NR2C1: variants seen among roughly 807,000 people sequenced by gnomAD.
The protein encoded by NR2C1 is TR2 nuclear hormone receptor.
Under a neutral mutation model 74.8 loss-of-function variants are expected in NR2C1, and 33 were observed. That is an observed-to-expected ratio of 0.44 (90% CI 0.33 to 0.59). NR2C1 has a LOEUF of 0.59. NR2C1 is among the 20% of genes least tolerant of loss of function. The pLI is 0.02. For missense variants in NR2C1, 568 were observed against 715.6 expected, an observed-to-expected ratio of 0.79 and a Z score of 2.35; for synonymous variants, 225 against 240.6, an observed-to-expected ratio of 0.94 and a Z score of 0.60.
At chr12:95,046,653 T>C (rs1460013223) in intron 9 of NR2C1, among the ~76,000 whole-genome samples, 1 of 152,034 alleles carries the variant, frequency 6.6e-6, no homozygotes, top group East Asian at 1.9e-4. Context: ...AAACAGTGTA[T>C]GTGAAAATAT....
chr12:95,055,987 C>T (rs1002001248), intron 7 of NR2C1, among the ~76,000 whole-genome samples: 4 of 148,568 alleles, frequency 2.7e-5, no homozygotes, highest in Non-Finnish European at 5.9e-5. Context: ...CAGATCCCAG[C>T]TAGGTAGGGA....
At position 95,022,089 on chromosome 12, in the gene NR2C1, G is replaced by T. The variant is rs1868832313; in HGVS notation, c.*140C>A. 1.7e-6 allele frequency: 1 copy of T among 588,226 alleles called. No homozygotes were observed. Among genetic ancestry groups the T allele is most frequent in the Non-Finnish European group, 2.7e-6 (1 of 368,516 alleles). The allele number at this position is 588,226 out of a possible 1,614,324, so 36.4% of individuals were successfully genotyped here. A position where few individuals can be genotyped will look rare whatever the true frequency, so the allele number is the denominator to read the frequency against. ...CCAGTCACTTCAAAAATTCTTAAGG[G>T]AAGCTAAAATAAAAATACCTTGGAT... On this transcript the variant is annotated 3_prime_UTR_variant, in exon 14 of 14. Coordinates refer to ENST00000333003, the MANE Select transcript of NR2C1 (RefSeq NM_003297.4).
chr12:95,058,275 T>TACAAG (rs1874217221), intron 5 of NR2C1, 35 bp downstream of exon 5: 1 of 1,554,270 alleles, frequency 6.4e-7, no homozygotes, highest in African/African-American at 1.4e-5. Context: ...CTGGAATCTT[T>TACAAG]AAAAAGTATT....
At chr12:95,030,011 CTA>C (rs1329622482) in intron 11 of NR2C1, among the ~76,000 whole-genome samples, 3 of 152,068 alleles carry the variant, frequency 2.0e-5, no homozygotes, top group Admixed American at 6.6e-5. Flanking sequence ...GGGACTATGA[CTA>C]TAGGCATGCG....
chr12:95,031,219 AAAGT>A (rs1870061244), intron 11 of NR2C1, 126 bp downstream of exon 11: 3 of 751,990 alleles, frequency 4.0e-6, no homozygotes, highest in African/African-American at 1.8e-5. Context: ...AAAATTATCT[AAAGT>A]AAGAAGAGCA....
chr12:95,067,562 ATG>A (rs1053476080), intron 1 of NR2C1, among the ~76,000 whole-genome samples, 171 bp from the exon 2 acceptor site: 2 of 151,328 alleles, frequency 1.3e-5, no homozygotes, highest in African/African-American at 4.9e-5. Flanking sequence ...TGCCTTTTCC[ATG>A]TGTCTTTTTT....
At chr12:95,038,248 A>T (rs940647588) in intron 10 of NR2C1, among the ~76,000 whole-genome samples, 5 of 152,214 alleles carry the variant, frequency 3.3e-5, no homozygotes, top group African/African-American at 1.2e-4. Context: ...CATCTGCGTT[A>T]TTTCCATAGG....
intron 11 of NR2C1, 28 bp from the exon 12 acceptor site, chr12:95,028,552 T>C (rs764937919): frequency 2.9e-6 from 4 of 1,383,212 alleles, no homozygotes; most frequent in African/African-American, 1.4e-5. Context: ...CAAATGCTTC[T>C]AGTGTTTGTC....
intron 8 of NR2C1, among the ~76,000 whole-genome samples, chr12:95,051,066 C>T (rs1208541512): frequency 2.0e-5 from 3 of 152,124 alleles, no homozygotes; most frequent in Non-Finnish European, 4.4e-5. Flanking sequence ...TAGAATATAA[C>T]CTTTCATAAT....
chr12:95,051,786 A>T lies in NR2C1; in HGVS notation c.941T>A (p.Met314Lys), dbSNP rs764775334. 1.1e-5 allele frequency: 18 copies of T among 1,607,704 alleles called. No homozygotes were observed. The highest frequency in any genetic ancestry group is 1.1e-5 in the Non-Finnish European group (13 of 1,178,592). ...DDTSLCEFQE[M>K]QTNGDVSRAF... Reference sequence around the variant, plus strand: ...CCTTGAAACATCACCGTTGGTCTGCATTTCTTGAAATTCACACAAAGAGGT... The same window carrying T: ...CCTTGAAACATCACCGTTGGTCTGCTTTTCTTGAAATTCACACAAAGAGGT... Residue 314 changes from methionine to lysine, a missense_variant, in exon 8 of 14, where the codon ATG (methionine) becomes AAG (lysine). By Grantham distance (95) the Met-to-Lys change is moderately conservative. This residue lies in a region of NR2C1 where 239 missense variants were observed against 232.3 expected (regional missense o/e 1.03). Coordinates refer to ENST00000333003, the MANE Select transcript of NR2C1 (RefSeq NM_003297.4).
At chr12:95,047,366 G>C (rs76547059) in intron 9 of NR2C1, among the ~76,000 whole-genome samples, 3,164 of 152,092 alleles carry the variant, frequency 0.021, 103 homozygotes, top group African/African-American at 0.072. Flanking sequence ...TTCCTGTAGA[G>C]TGTAGAAAAA....
chr12:95,028,561 T>A (rs372090424), intron 11 of NR2C1, 37 bp from the exon 12 acceptor site: 12 of 1,355,524 alleles, frequency 8.9e-6, no homozygotes, highest in Non-Finnish European at 1.1e-5. Context: ...CTAGTGTTTG[T>A]CTAAAATGAA....
intron 10 of NR2C1, among the ~76,000 whole-genome samples, chr12:95,035,876 A>G (rs957584741): frequency 7.2e-5 from 11 of 152,248 alleles, no homozygotes; most frequent in African/African-American, 2.7e-4. Context: ...AGATGCATTT[A>G]CATTCATTAT....
At chr12:95,071,908 C>T (rs1450579876) in intron 1 of NR2C1, among the ~76,000 whole-genome samples, 2 of 151,464 alleles carry the variant, frequency 1.3e-5, no homozygotes, top group Non-Finnish European at 2.9e-5. Flanking sequence ...GCCACCACGC[C>T]CGACTAATTT....
Position 95,021,158 on chromosome 12 carries a change from T to C in NR2C1, c.*1071A>G, listed in dbSNP as rs1045559819. On this transcript the variant is annotated 3_prime_UTR_variant, in exon 14 of 14. Transcript: ENST00000333003. The stretch of plus-strand genomic sequence containing the variant: ...GAATGAAAGAGCAACAATTTAAATA[T>C]CTTTTTTGAAATAGTGAAACATTTT... 6.6e-6 allele frequency: 1 copy of C among 152,128 alleles called. No individual in the cohort carries two copies. Among genetic ancestry groups the C allele is most frequent in the Non-Finnish European group, 1.5e-5 (1 of 68,032 alleles). The allele number at this position is 152,128 out of a possible 1,614,324, so 9.4% of individuals were successfully genotyped here.
intron 7 of NR2C1, among the ~76,000 whole-genome samples, chr12:95,056,672 T>C (rs1427632975): frequency 6.6e-6 from 1 of 152,190 alleles, no homozygotes; most frequent in African/African-American, 2.4e-5. Flanking sequence ...TATTAAGAAT[T>C]GTACGGCTGG....
In NR2C1 at chr12:95,038,284, T is replaced by C. The variant is rs575022858; in HGVS notation, c.1253+2192A>G. On this transcript the variant is annotated intron_variant, in intron 10 of 13. Transcript: ENST00000333003. ...ATAATTATACTCAATTTAATAGAAG[T>C]ACTTAAGATCAATGGTGGTGTAAAT... Among the ~76,000 whole-genome samples, 4 of 152,320 alleles carry C rather than the reference T, an allele frequency of 2.6e-5. No homozygotes were observed. In the East Asian group the frequency reaches 7.7e-4, roughly 29 times the overall value.
intron 3 of NR2C1, among the ~76,000 whole-genome samples, chr12:95,061,486 A>G (rs1182380866): frequency 6.6e-6 from 1 of 152,250 alleles, no homozygotes; most frequent in Non-Finnish European, 1.5e-5. Context: ...ATTAAGGTAC[A>G]TATAATGTTA....
rs1213338344 is a variant in NR2C1 at position 95,021,568 on chromosome 12, T to TATAA, written c.*657_*660dup. The TATAA allele has an allele frequency of 6.6e-6, 1 of 152,148 alleles. No individual in the cohort carries two copies. Among genetic ancestry groups the TATAA allele is most frequent in the African/African-American group, 2.4e-5 (1 of 41,446 alleles). 9.4% of individuals were successfully genotyped at this position (152,148 alleles called of 1,614,324 possible). A position where few individuals can be genotyped will look rare whatever the true frequency, so the allele number is the denominator to read the frequency against. ...TATTCTCAAAAACAATTTTCTGCTA[T>TATAA]ATAAAGTGCTTGTAACTAATAATAT... On this transcript the variant is annotated 3_prime_UTR_variant, in exon 14 of 14. Transcript: ENST00000333003.
Sources: allele counts gnomAD v4.1 joint callset (sites outside exome capture counted in the v4.1 genomes callset), GRCh38; gene constraint gnomAD v4.1.1; regional missense constraint gnomAD v4.1.1; transcripts MANE v1.5; gene names NCBI Gene and HGNC (gene_info 2026-07-23, HGNC 2026-07-21).